NRXN3: variants seen among roughly 807,000 people sequenced by gnomAD.
The protein encoded by NRXN3 is neurexin III.
A neutral mutation model predicts 137.6 loss-of-function variants in NRXN3; 32 were observed. That is an observed-to-expected ratio of 0.23 (90% CI 0.18 to 0.31). The LOEUF (loss-of-function observed/expected upper bound fraction) is 0.31. Among genes scored for constraint, NRXN3 ranks in the 10% least tolerant of loss-of-function variants. NRXN3 has a pLI of 1.00. For synonymous variants in NRXN3, 798 were observed against 784.5 expected (o/e 1.02, Z -0.29); for missense variants, 1,574 against 2,062.5 (o/e 0.76, Z 4.59).
intron 10 of NRXN3, among the ~76,000 whole-genome samples, chr14:78,824,518 C>G (rs756317138): frequency 6.6e-6 from 1 of 151,972 alleles, no homozygotes; most frequent in Non-Finnish European, 1.5e-5. Context: ...AAACTTTGAG[C>G]CACAGGAGAA....
intron 10 of NRXN3, among the ~76,000 whole-genome samples, chr14:78,922,254 C>G (rs1002377775): frequency 7.9e-5 from 12 of 152,168 alleles, no homozygotes; most frequent in Admixed American, 2.0e-4. Flanking sequence ...GAGATTCAGT[C>G]CAACTGGACC....
chr14:79,454,303 C>T (rs1351715004), intron 15 of NRXN3, among the ~76,000 whole-genome samples: 3 of 152,060 alleles, frequency 2.0e-5, no homozygotes, highest in Non-Finnish European at 2.9e-5. Flanking sequence ...ACGATGGTCT[C>T]GATCTCCTGA....
chr14:78,370,959 G>A (rs572457650), intron 4 of NRXN3, among the ~76,000 whole-genome samples: 27 of 152,214 alleles, frequency 1.8e-4, no homozygotes, highest in African/African-American at 5.8e-4. Flanking sequence ...ATACAAAAAA[G>A]TAGATTAACC....
intron 15 of NRXN3, among the ~76,000 whole-genome samples, chr14:79,125,172 C>T (rs2152934395): frequency 6.6e-6 from 1 of 152,326 alleles, no homozygotes; most frequent in South Asian, 2.1e-4. Flanking sequence ...CCCTTTTCAT[C>T]TTCTAGATCT....
chr14:78,924,215 C>G (rs1170257767), intron 10 of NRXN3, among the ~76,000 whole-genome samples: 1 of 152,212 alleles, frequency 6.6e-6, no homozygotes. Context: ...TGCCATTGCA[C>G]TCCAGCCTGG....
chr14:79,151,456 A>G (rs1463972993), intron 15 of NRXN3, among the ~76,000 whole-genome samples: 1 of 152,088 alleles, frequency 6.6e-6, no homozygotes, highest in East Asian at 1.9e-4. Context: ...TCATCGTTCC[A>G]TCAGAACAGG....
chr14:79,819,010 A>ATCTT (rs1442463543), intron 20 of NRXN3, among the ~76,000 whole-genome samples: 1 of 152,220 alleles, frequency 6.6e-6, no homozygotes, highest in Non-Finnish European at 1.5e-5. Context: ...CAGTGCTTCC[A>ATCTT]TCTTAGCTTT....
At chr14:79,772,878 T>C (rs1378410662) in intron 19 of NRXN3, among the ~76,000 whole-genome samples, 1 of 152,152 alleles carries the variant, frequency 6.6e-6, no homozygotes, top group African/African-American at 2.4e-5. Context: ...AACCTACTTA[T>C]CTGACAAAGG....
intron 4 of NRXN3, among the ~76,000 whole-genome samples, chr14:78,330,109 G>T (rs2080614497): frequency 1.3e-5 from 2 of 152,146 alleles, no homozygotes; most frequent in Admixed American, 1.3e-4. Flanking sequence ...TGTACTCCTA[G>T]TGACACAGTT....
At chr14:79,392,796 C>A (rs989047660) in intron 15 of NRXN3, among the ~76,000 whole-genome samples, 1 of 151,694 alleles carries the variant, frequency 6.6e-6, no homozygotes, top group African/African-American at 2.4e-5. Flanking sequence ...ATGATGAAAC[C>A]CTGTCTTTAC....
intron 15 of NRXN3, among the ~76,000 whole-genome samples, chr14:79,418,211 T>C (rs2095525404): frequency 6.6e-6 from 1 of 152,180 alleles, no homozygotes; most frequent in Non-Finnish European, 1.5e-5. Flanking sequence ...AGTCATTAGA[T>C]AGCCTAGTGA....
chr14:79,306,012 T>C (rs2085989161), intron 15 of NRXN3, among the ~76,000 whole-genome samples: 1 of 152,108 alleles, frequency 6.6e-6, no homozygotes, highest in South Asian at 2.1e-4. Flanking sequence ...TGCGTTCCAG[T>C]GTGAAATAGC....
At chr14:79,236,837 C>A (rs1483650683) in intron 15 of NRXN3, among the ~76,000 whole-genome samples, 1 of 152,066 alleles carries the variant, frequency 6.6e-6, no homozygotes, top group East Asian at 1.9e-4. Flanking sequence ...ATCACTTTAA[C>A]CTGGGGATCA....
chr14:78,911,971 C>T (rs371954274), intron 10 of NRXN3, among the ~76,000 whole-genome samples: 3 of 151,604 alleles, frequency 2.0e-5, no homozygotes, highest in East Asian at 3.9e-4. Context: ...GCACAACGTG[C>T]AGGTTTGTTA....
chr14:79,137,286 C>T (rs2058338948), intron 15 of NRXN3, among the ~76,000 whole-genome samples: 1 of 152,152 alleles, frequency 6.6e-6, no homozygotes, highest in East Asian at 1.9e-4. Flanking sequence ...TGTTCTGTTC[C>T]TGCAGAAAAT....
At chr14:78,347,355 G>A (rs1364079086) in intron 4 of NRXN3, among the ~76,000 whole-genome samples, 1 of 152,184 alleles carries the variant, frequency 6.6e-6, no homozygotes. Context: ...TTCTTCTTTT[G>A]ATAGTGTACA....
intron 15 of NRXN3, among the ~76,000 whole-genome samples, chr14:79,039,914 G>A (rs956233772): frequency 6.6e-6 from 1 of 152,102 alleles, no homozygotes; most frequent in Non-Finnish European, 1.5e-5. Context: ...AGGTTGCCCA[G>A]GCTGGTCTCA....
intron 20 of NRXN3, among the ~76,000 whole-genome samples, chr14:79,840,418 A>G (rs1037364867): frequency 2.6e-5 from 4 of 151,904 alleles, no homozygotes; most frequent in African/African-American, 9.7e-5. Context: ...AATTCTCATT[A>G]TGCAATTATG....
chr14:78,666,220 C>T (rs2097885512), intron 6 of NRXN3, among the ~76,000 whole-genome samples: 1 of 152,188 alleles, frequency 6.6e-6, no homozygotes, highest in Admixed American at 6.5e-5. Context: ...GAACTTTTCT[C>T]TTGCACCTTT....
Sources: gnomAD v4.1 joint callset for allele counts (sites outside exome capture counted in the v4.1 genomes callset) on GRCh38, gnomAD v4.1.1 for gene constraint, MANE v1.5 for transcripts, NCBI Gene and HGNC (gene_info 2026-07-23, HGNC 2026-07-21) for gene names.